Variants in DAB1 observed in about 807,000 individuals in gnomAD.
DAB1 encodes disabled homolog 1.
DAB1 carries 15 observed loss-of-function variants against 64.6 expected under a neutral mutation model. The observed-to-expected ratio is 0.23, with a 90% CI of 0.16 to 0.36. The LOEUF is 0.36. DAB1 is among the 10% of genes least tolerant of loss of function. DAB1 has a pLI of 1.00. For missense variants in DAB1, 596 were observed against 706.7 expected (o/e 0.84, Z 1.78); for synonymous variants, 235 against 251.9 (o/e 0.93, Z 0.64).
chr1:57,960,895 A>C (rs1030410961), intron 5 of DAB1, among the ~76,000 whole-genome samples: 11 of 152,266 alleles, frequency 7.2e-5, no homozygotes, highest in Admixed American at 2.0e-4. Context: ...CAGGCATGCA[A>C]ACAGGTGTAA....
intron 5 of DAB1, among the ~76,000 whole-genome samples, chr1:58,123,585 T>C (rs546872540): frequency 1.3e-5 from 2 of 152,300 alleles, no homozygotes; most frequent in South Asian, 4.1e-4. Flanking sequence ...TTACCTTCTA[T>C]AGAACATATA....
chr1:57,253,387 C>G (rs577375729), intron 2 of DAB1, among the ~76,000 whole-genome samples: 1 of 152,254 alleles, frequency 6.6e-6, no homozygotes, highest in Non-Finnish European at 1.5e-5. Flanking sequence ...ATTTTTATCT[C>G]TGTTTGGCTC....
intron 7 of DAB1, among the ~76,000 whole-genome samples, chr1:57,442,528 ATT>A (rs546031178): frequency 6.8e-6 from 1 of 147,402 alleles, no homozygotes; most frequent in African/African-American, 2.5e-5. Flanking sequence ...TTGAGTGAGA[ATT>A]TTTTTTTTTT....
At chr1:57,625,809 G>A (rs1244648645) in intron 7 of DAB1, among the ~76,000 whole-genome samples, 1 of 151,974 alleles carries the variant, frequency 6.6e-6, no homozygotes, top group Non-Finnish European at 1.5e-5. Context: ...AAAGGAGAAG[G>A]CCTTATAGTT....
At chr1:57,814,116 G>C (rs559771396) in intron 6 of DAB1, among the ~76,000 whole-genome samples, 5 of 152,264 alleles carry the variant, frequency 3.3e-5, no homozygotes, top group African/African-American at 1.2e-4. Context: ...TGTGGGCAAG[G>C]CTAAATAAGA....
At chr1:57,528,823 A>C (rs1033247372) in intron 7 of DAB1, among the ~76,000 whole-genome samples, 14 of 152,150 alleles carry the variant, frequency 9.2e-5, no homozygotes, top group Admixed American at 9.2e-4. Flanking sequence ...TTCAGTAAAA[A>C]TATTTTTCAA....
At chr1:57,681,748 G>T (rs1646638467) in intron 6 of DAB1, among the ~76,000 whole-genome samples, 1 of 152,188 alleles carries the variant, frequency 6.6e-6, no homozygotes, top group African/African-American at 2.4e-5. Flanking sequence ...GATGAATGAA[G>T]AAAGTCTGCC....
chr1:57,320,830 C>T (rs1241478472), intron 1 of DAB1, among the ~76,000 whole-genome samples: 4 of 152,146 alleles, frequency 2.6e-5, no homozygotes, highest in Admixed American at 2.6e-4. Context: ...CTCCACTTTA[C>T]ACCAAAGAAA....
At chr1:57,079,464 T>C (rs1006329380) in intron 4 of DAB1, among the ~76,000 whole-genome samples, 1 of 152,124 alleles carries the variant, frequency 6.6e-6, no homozygotes, top group Non-Finnish European at 1.5e-5. Context: ...TCCTTCCTCA[T>C]CCACTTATGC....
rs868499071 is a variant in DAB1 at position 58,454,149 on chromosome 1, A to G, written n.257+51911T>C. 1.2e-4 allele frequency among the ~76,000 whole-genome samples: 19 copies of G among 152,174 alleles called. 1 individual carries two copies. Among genetic ancestry groups the G allele is most frequent in the Admixed American group, 1.1e-3 (17 of 15,282 alleles). ...CGACTGGGCATTCACCTCTGGCCCA[A>G]TTAGCAATTGGATAAAGAACGGGAT... On this transcript the variant is annotated intron_variant and non_coding_transcript_variant, in intron 3 of 20. Transcript: ENST00000485760.
chr1:58,189,113 TG>T (rs1292542599), intron 4 of DAB1, among the ~76,000 whole-genome samples: 1 of 152,226 alleles, frequency 6.6e-6, no homozygotes, highest in East Asian at 1.9e-4. Flanking sequence ...ATGTGTTAAC[TG>T]TTGCATGGAT....
At chr1:58,050,864 C>T (rs1647604169) in intron 5 of DAB1, among the ~76,000 whole-genome samples, 1 of 152,070 alleles carries the variant, frequency 6.6e-6, no homozygotes, top group Non-Finnish European at 1.5e-5. Context: ...GACAGTGGCA[C>T]ATGGCTGATA....
At chr1:57,195,040 G>A (rs1334022780) in intron 2 of DAB1, among the ~76,000 whole-genome samples, 3 of 152,190 alleles carry the variant, frequency 2.0e-5, no homozygotes, top group Non-Finnish European at 4.4e-5. Flanking sequence ...ATTAATGAAT[G>A]GAAAATGAGT....
intron 5 of DAB1, among the ~76,000 whole-genome samples, chr1:58,010,359 C>G (rs1450296242): frequency 3.9e-5 from 6 of 152,092 alleles, no homozygotes; most frequent in African/African-American, 1.4e-4. Context: ...TGATAAAATT[C>G]CAAGAATTCT....
intron 5 of DAB1, among the ~76,000 whole-genome samples, chr1:58,109,748 C>T (rs189500174): frequency 9.2e-5 from 14 of 151,530 alleles, no homozygotes; most frequent in Admixed American, 9.2e-4. Flanking sequence ...TCTCCAATGG[C>T]AAAGGGGGTA....
chr1:57,268,459 C>G (rs2100581290), intron 2 of DAB1, among the ~76,000 whole-genome samples: 1 of 152,212 alleles, frequency 6.6e-6, no homozygotes, highest in East Asian at 1.9e-4. Flanking sequence ...CTTTAAAAGT[C>G]CCAGAATGAT....
intron 2 of DAB1, among the ~76,000 whole-genome samples, chr1:57,212,645 G>A (rs1437311775): frequency 6.6e-6 from 1 of 152,028 alleles, no homozygotes; most frequent in Non-Finnish European, 1.5e-5. Flanking sequence ...GGGATTACAG[G>A]TGTGAGCCAC....
intron 3 of DAB1, among the ~76,000 whole-genome samples, chr1:58,412,308 C>T (rs553956921): frequency 6.9e-6 from 1 of 143,982 alleles, no homozygotes; most frequent in Admixed American, 6.8e-5. Context: ...TGGAGGCCTG[C>T]CAAGAACAGC....
chr1:57,536,041 G>T (rs1558470934), intron 7 of DAB1, among the ~76,000 whole-genome samples: 1 of 152,124 alleles, frequency 6.6e-6, no homozygotes, highest in Non-Finnish European at 1.5e-5. Context: ...TCCACTCTGT[G>T]GTTTGCCTTC....
Sources: allele counts gnomAD v4.1 joint callset (sites outside exome capture counted in the v4.1 genomes callset), GRCh38; gene constraint gnomAD v4.1.1; transcripts MANE v1.5; gene names NCBI Gene and HGNC (gene_info 2026-07-23, HGNC 2026-07-21).